CHN1: variants seen among roughly 807,000 people sequenced by gnomAD.
The protein encoded by CHN1 is N-chimaerin.
Under a neutral mutation model 59.5 loss-of-function variants are expected in CHN1, and 37 were observed. That is an observed-to-expected ratio of 0.62 (90% CI 0.48 to 0.82). The LOEUF is 0.82. Ranked by LOEUF, CHN1 falls within the 40% of genes least tolerant of loss-of-function variation. The pLI is 0.00. For missense variants in CHN1, 469 were observed against 571.0 expected, an observed-to-expected ratio of 0.82 and a Z score of 1.82; for synonymous variants, 206 against 200.4, an observed-to-expected ratio of 1.03 and a Z score of -0.24.
At chr2:174,810,221 C>T (rs1685027079) in intron 10 of CHN1, among the ~76,000 whole-genome samples, 1 of 152,106 alleles carries the variant, frequency 6.6e-6, no homozygotes, top group Admixed American at 6.5e-5. Flanking sequence ...TTTAATGATC[C>T]GAGTCACTGG....
At chr2:174,844,549 A>G (rs1255233843) in intron 7 of CHN1, among the ~76,000 whole-genome samples, 1 of 152,234 alleles carries the variant, frequency 6.6e-6, no homozygotes, top group Non-Finnish European at 1.5e-5. Context: ...ACAAGGATAC[A>G]TGAATGATTA....
intron 8 of CHN1, among the ~76,000 whole-genome samples, chr2:174,819,377 CA>C (rs1246576621): frequency 6.6e-6 from 1 of 152,154 alleles, no homozygotes; most frequent in Non-Finnish European, 1.5e-5. Flanking sequence ...GATAATGATA[CA>C]CTGAAAACAT....
chr2:174,965,794 C>CGGTTCAATA (rs1194879397), intron 1 of CHN1, among the ~76,000 whole-genome samples: 1 of 152,106 alleles, frequency 6.6e-6, no homozygotes, highest in Non-Finnish European at 1.5e-5. Context: ...TGTTCTGTTT[C>CGGTTCAATA]GGTTCAATAT....
At chr2:174,981,612 A>G (rs1373619536) in intron 1 of CHN1, among the ~76,000 whole-genome samples, 2 of 152,166 alleles carry the variant, frequency 1.3e-5, no homozygotes, top group Admixed American at 6.5e-5. Flanking sequence ...AAATTCTTCT[A>G]ATTTCTGTTA....
chr2:174,942,772 AGGTGCCCTG>A lies in CHN1; in HGVS notation c.114+2107_114+2115del, dbSNP rs1466794936. Among the ~76,000 whole-genome samples, 340 of 152,336 alleles carry A rather than the reference AGGTGCCCTG, an allele frequency of 2.2e-3. 2 individuals carry two copies. Among genetic ancestry groups the A allele is most frequent in the African/African-American group, 7.9e-3 (330 of 41,578 alleles). ...TTTTTAAAAAGCAACTTAAAAGGCC[AGGTGCCCTG>A]GCTCACAACTGTAATCCCAACACTT... On this transcript the variant is annotated intron_variant, in intron 3 of 12. Coordinates refer to ENST00000409900, the MANE Select transcript of CHN1 (RefSeq NM_001822.7).
At chr2:174,906,048 C>G (rs957449686) in intron 5 of CHN1, among the ~76,000 whole-genome samples, 1 of 152,098 alleles carries the variant, frequency 6.6e-6, no homozygotes. Context: ...CTTTGGAAAA[C>G]CATTCCATGA....
At chr2:174,809,102 G>C in intron 10 of CHN1, 60 bp from the exon 11 acceptor site, 1 of 1,421,920 alleles carries the variant, frequency 7.0e-7, no homozygotes, top group Admixed American at 2.0e-5. Flanking sequence ...CTGTTTTAAT[G>C]AATGACATAT....
chr2:174,908,553 C>T lies in CHN1; in HGVS notation c.260+6505G>A, dbSNP rs892644124. ...CAGTCCCTCAGCAGACTGCCATACA[C>T]GAAATGCTCCATGCTGTTCTACATT... On this transcript the variant is annotated intron_variant, in intron 5 of 12. Coordinates refer to ENST00000409900, the MANE Select transcript of CHN1 (RefSeq NM_001822.7). Among the ~76,000 whole-genome samples, 11 of 152,294 alleles carry T rather than the reference C, an allele frequency of 7.2e-5. No individual in the cohort carries two copies. The East Asian group carries it at 2.1e-3, about 29-fold the overall frequency.
rs190265524 is a variant in CHN1 at position 174,823,420 on chromosome 2, T to C, written c.712+1014A>G. 5.3e-5 allele frequency among the ~76,000 whole-genome samples: 8 copies of C among 152,290 alleles called. No individual in the cohort carries two copies. In the East Asian group the frequency reaches 1.4e-3, roughly 26 times the overall value. On this transcript the variant is annotated intron_variant, in intron 8 of 12. Coordinates refer to ENST00000409900, the MANE Select transcript of CHN1 (RefSeq NM_001822.7). ...GGCTCACGCCTGTAATCCCAGCACT[T>C]TGGGAGGCTGAGGCGGGTGGATCAC...
chr2:174,869,310 T>C (rs1184367399), intron 6 of CHN1, among the ~76,000 whole-genome samples: 2 of 152,122 alleles, frequency 1.3e-5, no homozygotes, highest in African/African-American at 4.8e-5. Context: ...CTAAGAAAAA[T>C]GACCTGAGAA....
chr2:174,908,565 T>C (rs1011450457), intron 5 of CHN1, among the ~76,000 whole-genome samples: 1 of 152,214 alleles, frequency 6.6e-6, no homozygotes, highest in South Asian at 2.1e-4. Context: ...AAATGCTCCA[T>C]GCTGTTCTAC....
chr2:174,842,338 A>G (rs538290157), intron 7 of CHN1, among the ~76,000 whole-genome samples: 124 of 152,334 alleles, frequency 8.1e-4, no homozygotes, highest in Middle Eastern at 3.4e-3. Context: ...AAAGTTTTAA[A>G]TATTCTTTCA....
chr2:174,878,196 A>C, intron 5 of CHN1, 68 bp from the exon 6 acceptor site: 4 of 1,383,162 alleles, frequency 2.9e-6, no homozygotes, highest in Non-Finnish European at 3.9e-6. Context: ...TGAAAAAAAA[A>C]CAAAAACAAA....
At chr2:174,924,502 C>T (rs1181757962) in intron 3 of CHN1, among the ~76,000 whole-genome samples, 1 of 152,148 alleles carries the variant, frequency 6.6e-6, no homozygotes, top group Non-Finnish European at 1.5e-5. Context: ...GAAATAAACC[C>T]TTTCTCCTGT....
At chr2:174,828,574 T>C (rs1685770107) in intron 7 of CHN1, among the ~76,000 whole-genome samples, 1 of 152,244 alleles carries the variant, frequency 6.6e-6, no homozygotes, top group Non-Finnish European at 1.5e-5. Context: ...TAGATAATTC[T>C]ACAGGCACTG....
At chr2:174,883,005 G>A (rs964322068) in intron 5 of CHN1, among the ~76,000 whole-genome samples, 1 of 152,114 alleles carries the variant, frequency 6.6e-6, no homozygotes, top group Non-Finnish European at 1.5e-5. Flanking sequence ...TTGGATTATG[G>A]AGAAAAGTAT....
At chr2:174,839,231 T>C (rs1015120830) in intron 7 of CHN1, among the ~76,000 whole-genome samples, 11 of 152,192 alleles carry the variant, frequency 7.2e-5, no homozygotes, top group East Asian at 3.8e-4. Context: ...TGTATTCTTA[T>C]ACATTGTTAT....
At chr2:174,969,872 G>A (rs971144880) in intron 1 of CHN1, among the ~76,000 whole-genome samples, 1 of 152,126 alleles carries the variant, frequency 6.6e-6, no homozygotes, top group Admixed American at 6.5e-5. Flanking sequence ...AGTGTGGTCT[G>A]TAAACACTTG....
intron 5 of CHN1, among the ~76,000 whole-genome samples, chr2:174,894,601 C>T (rs1321944315): frequency 6.6e-6 from 1 of 152,034 alleles, no homozygotes; most frequent in Non-Finnish European, 1.5e-5. Context: ...ATTATTATGA[C>T]CCAGCAATCC....
Sources: gnomAD v4.1 joint callset for allele counts (sites outside exome capture counted in the v4.1 genomes callset) on GRCh38, gnomAD v4.1.1 for gene constraint, MANE v1.5 for transcripts, NCBI Gene and HGNC (gene_info 2026-07-23, HGNC 2026-07-21) for gene names.